PSME4: variants seen among roughly 807,000 people sequenced by gnomAD.
PSME4 encodes the protein proteasome activator complex subunit 4.
Under a neutral mutation model 253.9 loss-of-function variants are expected in PSME4, and 89 were observed. The observed-to-expected ratio is 0.35, with a 90% confidence interval of 0.30 to 0.42. The LOEUF is 0.42. Ranked by LOEUF, PSME4 falls within the 10% of genes least tolerant of loss-of-function variation. The probability of loss-of-function intolerance (pLI) is 1.00; values close to 1 mark genes in which losing one functional copy is unlikely to be tolerated. For synonymous variants in PSME4, 851 were observed against 759.2 expected (o/e 1.12, Z -1.99); for missense variants, 2,014 against 2,195.2 (o/e 0.92, Z 1.65).
intron 1 of PSME4, among the ~76,000 whole-genome samples, chr2:53,968,553 G>A (rs918373657): frequency 1.3e-5 from 2 of 151,976 alleles, no homozygotes; most frequent in Non-Finnish European, 2.9e-5. Flanking sequence ...CATGACTTAG[G>A]AAAAAAACAC....
chr2:53,949,576 G>C (rs1669881449), intron 1 of PSME4, among the ~76,000 whole-genome samples: 1 of 151,900 alleles, frequency 6.6e-6, no homozygotes, highest in African/African-American at 2.4e-5. Context: ...GGATGATTCA[G>C]TCTTAAAAAA....
intron 4 of PSME4, among the ~76,000 whole-genome samples, chr2:53,938,128 C>CA (rs1389802780): frequency 1.3e-5 from 2 of 152,032 alleles, no homozygotes; most frequent in Non-Finnish European, 2.9e-5. Context: ...TAAAATTAAA[C>CA]AGAGTTTTTG....
intron 41 of PSME4, among the ~76,000 whole-genome samples, chr2:53,884,714 T>C (rs1679558415): frequency 2.6e-5 from 4 of 152,300 alleles, no homozygotes; most frequent in South Asian, 2.1e-4. Context: ...AGGAAAAACA[T>C]TTAAGTACTA....
intron 10 of PSME4, among the ~76,000 whole-genome samples, chr2:53,931,606 G>T (rs1343467732): frequency 6.6e-6 from 1 of 152,186 alleles, no homozygotes; most frequent in Non-Finnish European, 1.5e-5. Flanking sequence ...TAACTAAAAT[G>T]TGTGAAGAAT....
At chr2:53,936,904 A>G (rs1669150608) in intron 5 of PSME4, 77 bp from the exon 6 acceptor site, 2 of 966,524 alleles carry the variant, frequency 2.1e-6, no homozygotes, top group East Asian at 5.3e-5. Context: ...TGTCTTTTTT[A>G]TAATCTATTA....
intron 37 of PSME4, among the ~76,000 whole-genome samples, chr2:53,889,199 A>G (rs940936074): frequency 5.9e-5 from 9 of 152,312 alleles, no homozygotes; most frequent in South Asian, 2.1e-4. Flanking sequence ...GAAAACATAT[A>G]TAAGTATAGT....
chr2:53,910,689 C>A (rs10199154), intron 20 of PSME4, among the ~76,000 whole-genome samples: 1,680 of 152,290 alleles, frequency 0.011, 27 homozygotes, highest in African/African-American at 0.039. Flanking sequence ...GGTAGCCCTG[C>A]TCCACAAGGC....
chr2:53,922,565 A>G lies in PSME4; in HGVS notation c.1998T>C (p.Asp666=). ...QLTMNDDVLN[D]EELDKELLWN... is the part of the protein sequence containing the mutation. ...ATAGTAATTCCTTGTCTAGCTCTTC[A>G]TCATTTAATACATCATCATCTAAAA... is the stretch of plus-strand genomic sequence containing the variant. The change falls in exon 17 of 47, where the codon GAT becomes GAC. Residue 666 remains aspartate (D), a synonymous_variant. Transcript: ENST00000404125. 5.6e-6 allele frequency: 9 copies of G among 1,613,050 alleles called. No individual in the cohort carries two copies. Among genetic ancestry groups the G allele is most frequent in the Middle Eastern group, 1.7e-4 (1 of 6,050 alleles).
At chr2:53,928,810 C>T (rs1668687419) in intron 10 of PSME4, among the ~76,000 whole-genome samples, 1 of 152,172 alleles carries the variant, frequency 6.6e-6, no homozygotes, top group Non-Finnish European at 1.5e-5. Flanking sequence ...TTGCACATGT[C>T]CCCAATCCCC....
chr2:53,898,502 C>G, intron 29 of PSME4, 148 bp from the exon 30 acceptor site: 1 of 601,184 alleles, frequency 1.7e-6, no homozygotes, highest in South Asian at 2.7e-5. Context: ...AGAAGCAAGC[C>G]AGAATGAAAG....
Position 53,970,725 on chromosome 2 carries a change from C to G in PSME4, c.60G>C (p.Glu20Asp). 2 of 1,547,840 alleles carry G rather than the reference C, an allele frequency of 1.3e-6. No individual in the cohort carries two copies. The highest frequency in any genetic ancestry group is 1.7e-6 in the Non-Finnish European group (2 of 1,146,032). Reference protein sequence around the residue: ...GEPPEPGGRPEPGPRGFVPQK... With the variant: ...GEPPEPGGRPDPGPRGFVPQK... ...GCGGGACGAAGCCCCGCGGGCCCGGCTCGGGACGCCCGCCCGGCTCCGGGG... is the reference window on the plus strand; with the variant it reads ...GCGGGACGAAGCCCCGCGGGCCCGGGTCGGGACGCCCGCCCGGCTCCGGGG... Residue 20 changes from glutamate (E) to aspartate (D), a missense_variant, in exon 1 of 47, where the codon GAG (glutamate) becomes GAC (aspartate). Transcript: ENST00000404125.
At chr2:53,911,979 C>A (rs1279108314) in intron 20 of PSME4, among the ~76,000 whole-genome samples, 3 of 152,142 alleles carry the variant, frequency 2.0e-5, no homozygotes, top group African/African-American at 7.2e-5. Flanking sequence ...GAAAAATAAT[C>A]ATTTATGCTG....
Position 53,931,945 on chromosome 2 carries a change from C to A in PSME4, c.1206G>T (p.Gln402His). ...DVTDFVQCIIQPVLLAMFSKT... is the reference protein window; with the variant it reads ...DVTDFVQCIIHPVLLAMFSKT... Reference sequence around the variant, plus strand: ...TGCTAAACATAGCCAAGAGGACAGGCTGAATAATGCATTGTACAAAGTCTG... The same window carrying A: ...TGCTAAACATAGCCAAGAGGACAGGATGAATAATGCATTGTACAAAGTCTG... Residue 402 changes from glutamine to histidine, a missense_variant, in exon 10 of 47, where the codon CAG becomes CAT. Around this residue, in one of 4 missense-constraint regions of PSME4, gnomAD observed 615 missense variants for 594.4 expected, o/e 1.03. Coordinates refer to ENST00000404125, the MANE Select transcript of PSME4 (RefSeq NM_014614.3). The A allele has an allele frequency of 1.2e-6, 2 of 1,614,090 alleles. No individual in the cohort carries two copies. The highest frequency in any genetic ancestry group is 1.7e-6 in the Non-Finnish European group (2 of 1,179,980).
At chr2:53,895,514 G>A in intron 33 of PSME4, 69 bp downstream of exon 33, 1 of 1,484,928 alleles carries the variant, frequency 6.7e-7, no homozygotes, top group Admixed American at 2.3e-5. Context: ...AACCTCCCCA[G>A]AAACCAAAAT....
At chr2:53,886,067 T>C (rs111421773) in intron 40 of PSME4, among the ~76,000 whole-genome samples, 5,244 of 152,284 alleles carry the variant, frequency 0.034, 116 homozygotes, top group Non-Finnish European at 0.047. Flanking sequence ...AAGGGATTGA[T>C]ATTAGAATAA....
intron 22 of PSME4, 107 bp from the exon 23 acceptor site, chr2:53,908,672 A>T: frequency 6.9e-7 from 1 of 1,444,988 alleles, no homozygotes; most frequent in Non-Finnish European, 9.4e-7. Flanking sequence ...ACTGCCCAAT[A>T]TTCTCACCAT....
At chr2:53,937,319 T>C (rs921132412) in intron 5 of PSME4, 72 bp downstream of exon 5, 2 of 1,330,796 alleles carry the variant, frequency 1.5e-6, no homozygotes, top group East Asian at 2.4e-5. Flanking sequence ...CTAGTTGTTA[T>C]TGTTTTACTA....
chr2:53,893,458 C>T (rs554880439), intron 35 of PSME4, among the ~76,000 whole-genome samples: 5 of 152,110 alleles, frequency 3.3e-5, no homozygotes, highest in Non-Finnish European at 7.4e-5. Flanking sequence ...ACAATGCTTA[C>T]TAATTGTATT....
intron 1 of PSME4, among the ~76,000 whole-genome samples, chr2:53,952,916 G>GA (rs1345068600): frequency 6.6e-6 from 1 of 152,216 alleles, no homozygotes; most frequent in Non-Finnish European, 1.5e-5. Flanking sequence ...CCAAGCCACT[G>GA]AAGTAACTTA....
Sources: gnomAD v4.1 joint callset for allele counts (sites outside exome capture counted in the v4.1 genomes callset) on GRCh38, gnomAD v4.1.1 for gene constraint, gnomAD v4.1.1 regional missense constraint, MANE v1.5 for transcripts, NCBI Gene and HGNC (gene_info 2026-07-23, HGNC 2026-07-21) for gene names.